RIMBP2: variants seen among roughly 807,000 people sequenced by gnomAD.
RIMBP2 encodes the protein RIMS-binding protein 2.
Under a neutral mutation model 118.6 loss-of-function variants are expected in RIMBP2, and 48 were observed. The ratio of observed to expected loss-of-function variants is 0.40; its 90% CI spans 0.32 to 0.51. The LOEUF (loss-of-function observed/expected upper bound fraction) is 0.51, where lower values mean the gene tolerates loss of function less well. Ranked by LOEUF, RIMBP2 falls within the 20% of genes least tolerant of loss-of-function variation. The probability of loss-of-function intolerance (pLI) is 0.41; values close to 1 mark genes in which losing one functional copy is unlikely to be tolerated. For missense variants in RIMBP2, 1,551 were observed against 1,768.3 expected (o/e 0.88, Z 2.20); for synonymous variants, 762 against 742.9 (o/e 1.03, Z -0.42).
Position 130,451,357 on chromosome 12 carries a change from A to G in RIMBP2, c.359-17T>C, listed in dbSNP as rs1231971705. On this transcript the variant is annotated splice_polypyrimidine_tract_variant and intron_variant, in intron 7 of 22. Transcript: ENST00000690449. ...TCTCCTGACCTGGCCACGAACATTA[A>G]AACAAGTTGAAACAAATATGCGAAT... 8 of 1,586,890 alleles carry G rather than the reference A, an allele frequency of 5.0e-6. No individual in the cohort carries two copies. Among genetic ancestry groups the G allele is most frequent in the Non-Finnish European group, 6.9e-6 (8 of 1,160,856 alleles).
intron 1 of RIMBP2, among the ~76,000 whole-genome samples, chr12:130,684,368 C>T (rs1303586544): frequency 2.6e-5 from 4 of 152,230 alleles, no homozygotes; most frequent in African/African-American, 9.6e-5. Context: ...CACATGTTCT[C>T]AGGACCTCCT....
At chr12:130,590,134 C>T (rs2059163981) in intron 2 of RIMBP2, among the ~76,000 whole-genome samples, 1 of 152,208 alleles carries the variant, frequency 6.6e-6, no homozygotes, top group African/African-American at 2.4e-5. Context: ...AGGCAATCCC[C>T]ACACCCACGG....
At chr12:130,437,374 C>A (rs2077606046) in intron 12 of RIMBP2, 83 bp from the exon 13 acceptor site, 1 of 1,166,936 alleles carries the variant, frequency 8.6e-7, no homozygotes, top group Admixed American at 2.2e-5. Context: ...GTCCTCTGCC[C>A]AGAGGCCAGG....
At chr12:130,402,182 G>A (rs1428454085) in intron 21 of RIMBP2, among the ~76,000 whole-genome samples, 1 of 152,160 alleles carries the variant, frequency 6.6e-6, no homozygotes, top group South Asian at 2.1e-4. Context: ...GGACTTGCTC[G>A]CGGTGTGAAT....
Position 130,439,669 on chromosome 12 carries a change from TG to T in RIMBP2, c.1505-1154del, listed in dbSNP as rs375816262. 5.9e-3 allele frequency among the ~76,000 whole-genome samples: 291 copies of T among 49,562 alleles called. 3 individuals carry two copies. Among genetic ancestry groups the T allele is most frequent in the African/African-American group, 0.023 (286 of 12,380 alleles). 32.5% of individuals were successfully genotyped at this position (49,562 alleles called of 152,430 possible). A position where few individuals can be genotyped will look rare whatever the true frequency, so the allele number is the denominator to read the frequency against. Reference sequence around the variant, plus strand: ...TGTGGGGGGGATGTGTTTTTTTGTGTGGGGGGTGTATGTGTTTTTGTGTACG... The same window carrying T: ...TGTGGGGGGGATGTGTTTTTTTGTGTGGGGGTGTATGTGTTTTTGTGTACG... On this transcript the variant is annotated intron_variant, in intron 11 of 22. Coordinates refer to ENST00000690449, the MANE Select transcript of RIMBP2 (RefSeq NM_001393629.1).
At position 130,428,247 on chromosome 12, in the gene RIMBP2, A is replaced by G. The variant is rs756767169; in HGVS notation, c.2344T>C (p.Tyr782His). The G allele has an allele frequency of 6.2e-7, 1 of 1,613,568 alleles. No individual in the cohort carries two copies. Among genetic ancestry groups the G allele is most frequent in the South Asian group, 1.1e-5 (1 of 90,936 alleles). The change falls in exon 15 of 23, where the codon TAT (tyrosine) becomes CAT (histidine). Residue 782 changes from tyrosine (Y) to histidine (H), a missense_variant. This residue lies in a region of RIMBP2 where 1,038 missense variants were observed against 1,125.1 expected (regional missense o/e 0.92). Coordinates refer to ENST00000690449, the MANE Select transcript of RIMBP2 (RefSeq NM_001393629.1). Reference protein sequence around the residue: ...DIMEEDEEELYSEMQLEDGGR... With the variant: ...DIMEEDEEELHSEMQLEDGGR... ...CCATCTTCCAGCTGCATTTCAGAAT[A>G]CAGCTCCTCCTCGTCCTCCTCCATG...
At chr12:130,398,278 AGTTG>A (rs1225900824) in intron 22 of RIMBP2, 2 of 152,248 alleles carry the variant, frequency 1.3e-5, no homozygotes, top group Non-Finnish European at 2.9e-5. Flanking sequence ...CATGTGCCTG[AGTTG>A]GCAGTGCAGC....
rs969049716 is a variant in RIMBP2, at chr12:130,622,090, A to C, written c.-217+6232T>G. On this transcript the variant is annotated intron_variant, in intron 2 of 22. Transcript: ENST00000690449. The surrounding 1 kb of genome is among the most constrained non-coding windows in gnomAD (Gnocchi z 8.5). ...AGTAACGACATTAAGAGCCATTTTA[A>C]CTAGACATTTCCGCACAAATAAAAT... Among the ~76,000 whole-genome samples, 1 of 152,268 alleles carries C rather than the reference A, an allele frequency of 6.6e-6. No individual in the cohort carries two copies. The highest frequency in any genetic ancestry group is 1.5e-5 in the Non-Finnish European group (1 of 68,046).
chr12:130,509,771 C>A (rs1031068675), intron 3 of RIMBP2, among the ~76,000 whole-genome samples: 1 of 151,524 alleles, frequency 6.6e-6, no homozygotes, highest in South Asian at 2.1e-4. Flanking sequence ...TTAGTACTTT[C>A]TTTTCTAAAC....
intron 4 of RIMBP2, among the ~76,000 whole-genome samples, chr12:130,488,479 G>C (rs527992814): frequency 1.1e-4 from 16 of 152,130 alleles, no homozygotes; most frequent in African/African-American, 3.6e-4. Flanking sequence ...CCAAAAAAAA[G>C]AGAAATGGAC....
rs565557115 is a variant in RIMBP2, at chr12:130,523,203, T to TGG, written c.-216-5288_-216-5287dup. Among the ~76,000 whole-genome samples the TGG allele has an allele frequency of 9.2e-5, 14 of 151,550 alleles. No individual in the cohort carries two copies. Among genetic ancestry groups the TGG allele is most frequent in the African/African-American group, 2.9e-4 (12 of 41,246 alleles). ...CCTCTCTGTCTCTATTTCTCTGTGT[T>TGG]GGGGGGGGTTTCTCTGCCTCCATCT... On this transcript the variant is annotated intron_variant, in intron 2 of 22. Transcript: ENST00000690449. This position sits in a 1 kb window ranked among gnomAD's most constrained non-coding sequence, Gnocchi z 4.4.
intron 1 of RIMBP2, among the ~76,000 whole-genome samples, chr12:130,650,489 C>A (rs1027534526): frequency 6.6e-6 from 1 of 152,376 alleles, no homozygotes; most frequent in South Asian, 2.1e-4. Flanking sequence ...GCAGGGAAGC[C>A]CTGCCATAGG....
At chr12:130,513,433 G>A (rs2051123253) in intron 3 of RIMBP2, among the ~76,000 whole-genome samples, 1 of 152,162 alleles carries the variant, frequency 6.6e-6, no homozygotes, top group African/African-American at 2.4e-5. Flanking sequence ...AGAGAAGCTT[G>A]GAATATTTGG....
intron 1 of RIMBP2, among the ~76,000 whole-genome samples, chr12:130,709,212 C>T (rs115734950): frequency 6.6e-6 from 1 of 152,216 alleles, no homozygotes; most frequent in African/African-American, 2.4e-5. Flanking sequence ...TGGGGACAAG[C>T]AGGAAGGAAG....
intron 2 of RIMBP2, among the ~76,000 whole-genome samples, chr12:130,524,511 A>C (rs568617272): frequency 2.0e-4 from 31 of 152,338 alleles, no homozygotes; most frequent in African/African-American, 7.5e-4. Flanking sequence ...CTGGACAGGC[A>C]CTGGGGGTAG....
chr12:130,646,039 T>TTCCCTCACTACC (rs1555317445), intron 1 of RIMBP2, among the ~76,000 whole-genome samples: 1 of 142,488 alleles, frequency 7.0e-6, no homozygotes, highest in Non-Finnish European at 1.5e-5. Context: ...CGGCAGCCAG[T>TTCCCTCACTACC]TCCCTCTCCA....
At chr12:130,700,827 C>T (rs1365622016) in intron 1 of RIMBP2, among the ~76,000 whole-genome samples, 2 of 152,226 alleles carry the variant, frequency 1.3e-5, no homozygotes, top group Non-Finnish European at 2.9e-5. Flanking sequence ...ACAACAAGCA[C>T]CTTGTGAGCA....
intron 2 of RIMBP2, among the ~76,000 whole-genome samples, chr12:130,612,735 C>A (rs2060634587): frequency 6.6e-6 from 1 of 152,218 alleles, no homozygotes; most frequent in African/African-American, 2.4e-5. Flanking sequence ...AGTAACCAAA[C>A]CGTGTGGACA....
In RIMBP2 at chr12:130,623,628, A is replaced by G. The variant is rs541888566; in HGVS notation, c.-217+4694T>C. On this transcript the variant is annotated intron_variant, in intron 2 of 22. Coordinates refer to ENST00000690449, the MANE Select transcript of RIMBP2 (RefSeq NM_001393629.1). The surrounding 1 kb of genome is among the most constrained non-coding windows in gnomAD (Gnocchi z 4.1). ...TCAGTGGGCATAAGCTGCCTCCCAT[A>G]ACCTCTTAGCGCTCAACTCCATGCA... is the stretch of plus-strand genomic sequence containing the variant. 1.2e-4 allele frequency among the ~76,000 whole-genome samples: 18 copies of G among 152,202 alleles called. No individual in the cohort carries two copies. In the South Asian group the frequency reaches 3.5e-3, roughly 30 times the overall value.
Sources: gnomAD v4.1 joint callset for allele counts (sites outside exome capture counted in the v4.1 genomes callset) on GRCh38, gnomAD v4.1.1 for gene constraint, gnomAD v4.1.1 regional missense constraint, Gnocchi (gnomAD v3.1) non-coding constraint, MANE v1.5 for transcripts, NCBI Gene and HGNC (gene_info 2026-07-23, HGNC 2026-07-21) for gene names.